The following EFCC1 variants were observed in gnomAD, a reference collection of about 807,000 sequenced individuals.
EFCC1 encodes the protein EF-hand and coiled-coil domain-containing protein 1.
In EFCC1, 50 loss-of-function variants were observed where a neutral mutation model predicts 52.1. That is an observed-to-expected ratio of 0.96 (90% confidence interval 0.76 to 1.21). EFCC1 has a LOEUF of 1.21. EFCC1 is among the 50% of genes most tolerant of loss of function. The probability of loss-of-function intolerance (pLI) is 0.00; values close to 1 mark genes in which losing one functional copy is unlikely to be tolerated. For missense variants in EFCC1, 837 were observed against 867.3 expected (o/e 0.97, Z 0.44); for synonymous variants, 399 against 396.5 (o/e 1.01, Z -0.08).
chr3:129,003,952 G>A lies in EFCC1; in HGVS notation c.855G>A (p.Ala285=). The change falls in exon 2 of 8, where the codon GCG becomes GCA. Residue 285 remains alanine (A), a synonymous_variant. Coordinates refer to ENST00000683648, the MANE Select transcript of EFCC1 (RefSeq NM_001377500.1). The stretch of plus-strand genomic sequence containing the variant: ...GCCAGGCCGAGGTGCGGCGGCGCGC[G>A]GAGGAGGCCCGGCAGGTGGTGCTGC... ...RRGQAEVRRR[A]EEARQVVLRS... The A allele has an allele frequency of 2.8e-6, 4 of 1,420,560 alleles. No individual in the cohort carries two copies. The highest frequency in any genetic ancestry group is 3.7e-6 in the Non-Finnish European group (4 of 1,092,108). The allele number at this position is 1,420,560 out of a possible 1,614,324, so 88.0% of individuals were successfully genotyped here.
In EFCC1 at chr3:129,014,653, C is replaced by T. The variant is rs1398191332; in HGVS notation, c.980+10576C>T. Among the ~76,000 whole-genome samples, 1 of 152,148 alleles carries T rather than the reference C, an allele frequency of 6.6e-6. No homozygotes were observed. The highest frequency in any genetic ancestry group is 1.5e-5 in the Non-Finnish European group (1 of 68,012). ...AACATATGAATTGGGGAGACACAACCAGCCCATCACAGGAGACTTCTCTGA... is the reference window on the plus strand; with the variant it reads ...AACATATGAATTGGGGAGACACAACTAGCCCATCACAGGAGACTTCTCTGA... On this transcript the variant is annotated intron_variant, in intron 2 of 7. Coordinates refer to ENST00000683648, the MANE Select transcript of EFCC1 (RefSeq NM_001377500.1). The surrounding 1 kb of genome is among the most constrained non-coding windows in gnomAD (Gnocchi z 4.3).
intron 5 of EFCC1, 45 bp downstream of exon 5, chr3:129,034,374 T>G: frequency 1.3e-6 from 2 of 1,599,316 alleles, no homozygotes; most frequent in South Asian, 2.2e-5. Context: ...TTCTAGAGGA[T>G]CTCACAGCTG....
intron 3 of EFCC1, among the ~76,000 whole-genome samples, chr3:129,032,019 T>G (rs1946282755): frequency 6.6e-6 from 1 of 152,066 alleles, no homozygotes; most frequent in East Asian, 1.9e-4. Context: ...GGATGGGGAC[T>G]GAGGTTGGGC....
Position 129,001,892 on chromosome 3 carries a change from G to C in EFCC1, c.264G>C (p.Leu88=). The C allele has an allele frequency of 1.3e-6, 2 of 1,539,098 alleles. No homozygotes were observed. Among genetic ancestry groups the C allele is most frequent in the Non-Finnish European group, 1.8e-6 (2 of 1,141,604 alleles). The change falls in exon 1 of 8, where the codon CTG becomes CTC. Residue 88 remains leucine (L), a synonymous_variant. Transcript: ENST00000683648. ...DFRALCAVLG[L]RAEGATTAGQ... ...GAGCGCTCTGCGCTGTGCTGGGGCT[G>C]CGCGCGGAGGGGGCCACCACGGCCG...
At position 129,001,604 on chromosome 3, in the gene EFCC1, G is replaced by T. The variant is rs1028623359; in HGVS notation, c.-25G>T. On this transcript the variant is annotated 5_prime_UTR_variant, in exon 1 of 8. Transcript: ENST00000683648. ...GGCGAAGGGACCGGAGGAGGGACCG[G>T]AGGAGCGAGGCGCGCGGCGCAGCGA... The T allele has an allele frequency of 1.1e-5, 15 of 1,355,856 alleles. No individual in the cohort carries two copies. The highest frequency in any genetic ancestry group is 1.5e-5 in the African/African-American group (1 of 64,946). The allele number at this position is 1,355,856 out of a possible 1,614,324, so 84.0% of individuals were successfully genotyped here.
intron 2 of EFCC1, among the ~76,000 whole-genome samples, chr3:129,027,768 CA>C (rs1348482519): frequency 6.6e-6 from 1 of 152,012 alleles, no homozygotes; most frequent in African/African-American, 2.4e-5. Flanking sequence ...CCAGCCTGGG[CA>C]ACATGGAAAC....
At chr3:129,033,729 T>TA (rs1269453775) in intron 4 of EFCC1, among the ~76,000 whole-genome samples, 1 of 152,122 alleles carries the variant, frequency 6.6e-6, no homozygotes, top group African/African-American at 2.4e-5. Context: ...CTGGATCCTC[T>TA]AGTGAGTGTG....
chr3:129,036,323 C>G (rs565487837), intron 5 of EFCC1, among the ~76,000 whole-genome samples: 7 of 152,258 alleles, frequency 4.6e-5, no homozygotes, highest in African/African-American at 1.4e-4. Flanking sequence ...AGGCACCACA[C>G]TTTCCACTGC....
At chr3:129,002,418 A>T in intron 1 of EFCC1, 94 bp downstream of exon 1, 2 of 1,425,180 alleles carry the variant, frequency 1.4e-6, no homozygotes, top group Admixed American at 5.5e-5. Context: ...ACAGAGTCAG[A>T]GGAAGGGGAG....
chr3:129,039,901 A>T lies in EFCC1; in HGVS notation c.*53A>T. ...TGCTCAGCCTGACTGCCTTTGGACCAGCCTCCATGATCAGCCCAACCACTG... is the reference window on the plus strand; with the variant it reads ...TGCTCAGCCTGACTGCCTTTGGACCTGCCTCCATGATCAGCCCAACCACTG... On this transcript the variant is annotated 3_prime_UTR_variant, in exon 8 of 8. Transcript: ENST00000683648. 1 of 1,538,388 alleles carries T rather than the reference A, an allele frequency of 6.5e-7. No homozygotes were observed. The highest frequency in any genetic ancestry group is 8.8e-7 in the Non-Finnish European group (1 of 1,137,284).
At chr3:129,029,924 G>A (rs1321696952) in intron 2 of EFCC1, among the ~76,000 whole-genome samples, 1 of 151,614 alleles carries the variant, frequency 6.6e-6, no homozygotes, top group Admixed American at 6.6e-5. Context: ...GTGGCTCATG[G>A]CTGTAATCCC....
intron 2 of EFCC1, among the ~76,000 whole-genome samples, chr3:129,009,007 G>T (rs374356970): frequency 3.0e-5 from 4 of 133,990 alleles, no homozygotes; most frequent in Non-Finnish European, 6.4e-5. Context: ...GATTATTGGC[G>T]GGGTGGGGGG....
chr3:129,004,183 T>A lies in EFCC1; in HGVS notation c.980+106T>A, dbSNP rs796888186. On this transcript the variant is annotated intron_variant, in intron 2 of 7. Coordinates refer to ENST00000683648, the MANE Select transcript of EFCC1 (RefSeq NM_001377500.1). ...CCCACGCGCTCTCGTGTTCCGCAGT[T>A]TCTCCATGCGTTTATTCATGTATTC... The A allele has an allele frequency of 8.6e-6, 11 of 1,274,650 alleles. 1 individual carries two copies. The African/African-American group carries it at 1.7e-4, about 20-fold the overall frequency. 79.0% of individuals were successfully genotyped at this position (1,274,650 alleles called of 1,614,324 possible).
At chr3:129,036,681 C>A (rs1946357414) in intron 5 of EFCC1, among the ~76,000 whole-genome samples, 6 of 152,220 alleles carry the variant, frequency 3.9e-5, no homozygotes, top group Admixed American at 3.9e-4. Context: ...TGCCCACTAG[C>A]CTGCCATAAA....
intron 2 of EFCC1, among the ~76,000 whole-genome samples, chr3:129,021,048 G>A (rs1026288824): frequency 2.6e-5 from 4 of 152,164 alleles, no homozygotes; most frequent in African/African-American, 9.7e-5. Context: ...GGAAATTCGT[G>A]GGGAGGAGGG....
At chr3:129,008,076 A>C (rs1945152827) in intron 2 of EFCC1, among the ~76,000 whole-genome samples, 1 of 152,220 alleles carries the variant, frequency 6.6e-6, no homozygotes, top group South Asian at 2.1e-4. Flanking sequence ...AGTTCCCTTC[A>C]GAGCAGTTTT....
At chr3:129,029,927 G>A (rs1946236458) in intron 2 of EFCC1, among the ~76,000 whole-genome samples, 1 of 151,498 alleles carries the variant, frequency 6.6e-6, no homozygotes, top group Non-Finnish European at 1.5e-5. Context: ...GCTCATGGCT[G>A]TAATCCCAAC....
At chr3:129,028,341 C>T (rs1308357711) in intron 2 of EFCC1, among the ~76,000 whole-genome samples, 6 of 152,012 alleles carry the variant, frequency 3.9e-5, no homozygotes, top group African/African-American at 1.5e-4. Flanking sequence ...GCCTCGGCCT[C>T]CCAAAGTGCT....
At chr3:129,026,859 G>A (rs924488618) in intron 2 of EFCC1, among the ~76,000 whole-genome samples, 2 of 152,136 alleles carry the variant, frequency 1.3e-5, no homozygotes, top group African/African-American at 4.8e-5. Context: ...GCTAAGCAAC[G>A]TGCCCATTCT....
Sources: allele counts gnomAD v4.1 joint callset (sites outside exome capture counted in the v4.1 genomes callset), GRCh38; gene constraint gnomAD v4.1.1; non-coding constraint Gnocchi (gnomAD v3.1); transcripts MANE v1.5; gene names NCBI Gene and HGNC (gene_info 2026-07-23, HGNC 2026-07-21).